Variants in ROBO1 observed in about 807,000 individuals in gnomAD.
The protein encoded by ROBO1 is roundabout homolog 1.
ROBO1 carries 149 observed loss-of-function variants against 195.9 expected under a neutral mutation model. The ratio of observed to expected loss-of-function variants is 0.76; its 90% CI spans 0.67 to 0.87. ROBO1 has a LOEUF of 0.87. ROBO1 is among the 40% of genes least tolerant of loss of function. The pLI, the probability that ROBO1 is intolerant of heterozygous loss-of-function variation, is 0.00. For synonymous variants in ROBO1, 816 were observed against 733.2 expected (o/e 1.11, Z -1.82); for missense variants, 1,933 against 2,068.3 (o/e 0.93, Z 1.27).
intron 3 of ROBO1, among the ~76,000 whole-genome samples, chr3:79,065,380 G>T (rs1215570984): frequency 3.3e-5 from 5 of 151,728 alleles, no homozygotes; most frequent in Non-Finnish European, 5.9e-5. Flanking sequence ...TCTGCCCATT[G>T]AAAAGGCCTA....
chr3:78,962,849 A>AAAAAAAC (rs1560055205), intron 3 of ROBO1, among the ~76,000 whole-genome samples: 3 of 149,428 alleles, frequency 2.0e-5, no homozygotes, highest in African/African-American at 4.9e-5. Flanking sequence ...AAAAAAAAAA[A>AAAAAAAC]CTTTTCACAT....
intron 3 of ROBO1, among the ~76,000 whole-genome samples, chr3:79,118,235 GTT>G (rs397874150): frequency 2.1e-5 from 3 of 141,814 alleles, no homozygotes; most frequent in Admixed American, 6.9e-5. Context: ...AATTGTGTGG[GTT>G]TTTTTTTTTT....
At chr3:79,445,741 A>G (rs1408143808) in intron 2 of ROBO1, among the ~76,000 whole-genome samples, 1 of 148,886 alleles carries the variant, frequency 6.7e-6, no homozygotes, top group Non-Finnish European at 1.5e-5. Flanking sequence ...GGCTCACTGC[A>G]AGCTCCGCCT....
intron 2 of ROBO1, among the ~76,000 whole-genome samples, chr3:79,518,623 G>A (rs932305304): frequency 6.6e-6 from 1 of 152,024 alleles, no homozygotes; most frequent in African/African-American, 2.4e-5. Flanking sequence ...AAACGAAAAT[G>A]TAAAGCTTTT....
At chr3:78,747,605 A>T (rs937161756) in intron 4 of ROBO1, among the ~76,000 whole-genome samples, 1 of 152,090 alleles carries the variant, frequency 6.6e-6, no homozygotes, top group African/African-American at 2.4e-5. Flanking sequence ...ATACTATCTC[A>T]TTAAATCCTT....
At chr3:79,413,941 T>C (rs978675003) in intron 2 of ROBO1, among the ~76,000 whole-genome samples, 2 of 152,114 alleles carry the variant, frequency 1.3e-5, no homozygotes, top group Admixed American at 6.6e-5. Flanking sequence ...CTAGGAGCCA[T>C]AAAACCTAAT....
At chr3:78,865,680 C>G (rs772828393) in intron 4 of ROBO1, among the ~76,000 whole-genome samples, 6 of 151,990 alleles carry the variant, frequency 3.9e-5, no homozygotes, top group Admixed American at 1.3e-4. Flanking sequence ...ACCGTGTTAG[C>G]CAGGATGGTC....
rs375186931 is a variant in ROBO1 at position 78,981,788 on chromosome 3, A to AACACACACACAC, written c.173-42873_173-42862dup. On this transcript the variant is annotated intron_variant, in intron 3 of 30. Coordinates refer to ENST00000464233, the MANE Select transcript of ROBO1 (RefSeq NM_002941.4). ...CCGCTCCCATCCCCTGGCCCCTGCC[A>AACACACACACAC]ACACACACACACACACACACACACA... Among the ~76,000 whole-genome samples, 396 of 140,754 alleles carry AACACACACACAC rather than the reference A, an allele frequency of 2.8e-3. 3 individuals carry two copies. The highest frequency in any genetic ancestry group is 9.9e-3 in the African/African-American group (377 of 38,022). The allele number at this position is 140,754 out of a possible 152,430, so 92.3% of individuals were successfully genotyped here.
chr3:79,030,877 A>C (rs1000654356), intron 3 of ROBO1, among the ~76,000 whole-genome samples: 2 of 152,086 alleles, frequency 1.3e-5, no homozygotes, highest in African/African-American at 2.4e-5. Flanking sequence ...ACGCACTGCC[A>C]CACCCAGCTA....
intron 2 of ROBO1, among the ~76,000 whole-genome samples, chr3:79,236,822 G>C (rs1336552329): frequency 6.6e-6 from 1 of 152,138 alleles, no homozygotes; most frequent in Non-Finnish European, 1.5e-5. Flanking sequence ...TTTGCTGACT[G>C]ACATTGCAGG....
chr3:79,549,917 G>A (rs550668246), intron 2 of ROBO1, among the ~76,000 whole-genome samples: 2 of 152,020 alleles, frequency 1.3e-5, no homozygotes, highest in African/African-American at 4.8e-5. Context: ...TTGAGGCCAG[G>A]AGTTTGTGAC....
At chr3:78,665,821 TAA>T (rs1022413483) in intron 14 of ROBO1, among the ~76,000 whole-genome samples, 1 of 146,472 alleles carries the variant, frequency 6.8e-6, no homozygotes, top group South Asian at 2.1e-4. Flanking sequence ...AGCTGAAATT[TAA>T]AAAAAAAAAG....
chr3:79,153,840 C>T (rs1349127430), intron 2 of ROBO1, among the ~76,000 whole-genome samples: 2 of 150,504 alleles, frequency 1.3e-5, no homozygotes, highest in Non-Finnish European at 3.0e-5. Flanking sequence ...ACATTTTATC[C>T]TTAAAAATAT....
chr3:78,706,402 T>C (rs2081552888), intron 8 of ROBO1, among the ~76,000 whole-genome samples: 1 of 152,146 alleles, frequency 6.6e-6, no homozygotes. Context: ...TTTTGGATCT[T>C]ACCCTGGAGA....
chr3:79,011,319 A>G (rs1339695147), intron 3 of ROBO1, among the ~76,000 whole-genome samples: 1 of 152,234 alleles, frequency 6.6e-6, no homozygotes, highest in Non-Finnish European at 1.5e-5. Flanking sequence ...GCAGATAGAT[A>G]TATTTCTTTA....
At chr3:79,355,960 CTATTTA>C (rs2035537813) in intron 2 of ROBO1, among the ~76,000 whole-genome samples, 1 of 152,094 alleles carries the variant, frequency 6.6e-6, no homozygotes, top group South Asian at 2.1e-4. Flanking sequence ...TATAGTATTT[CTATTTA>C]TAACTTTTTG....
intron 2 of ROBO1, among the ~76,000 whole-genome samples, chr3:79,252,832 G>A (rs1341147608): frequency 3.3e-5 from 5 of 151,984 alleles, no homozygotes; most frequent in African/African-American, 4.8e-5. Context: ...ACAGAAGTAC[G>A]CAGCCACACA....
chr3:78,808,182 A>C (rs2108611560), intron 4 of ROBO1, among the ~76,000 whole-genome samples: 1 of 152,238 alleles, frequency 6.6e-6, no homozygotes, highest in Non-Finnish European at 1.5e-5. Context: ...ATCCAAAATT[A>C]ATGCTGAAAT....
intron 2 of ROBO1, among the ~76,000 whole-genome samples, chr3:79,381,827 T>G (rs2109377014): frequency 6.6e-6 from 1 of 152,272 alleles, no homozygotes; most frequent in Admixed American, 6.5e-5. Context: ...ATGCATGTTA[T>G]CAAGAGCACA....
Sources: allele counts gnomAD v4.1 joint callset (sites outside exome capture counted in the v4.1 genomes callset), GRCh38; gene constraint gnomAD v4.1.1; transcripts MANE v1.5; gene names NCBI Gene and HGNC (gene_info 2026-07-23, HGNC 2026-07-21).